THSD7A: variants seen among roughly 807,000 people sequenced by gnomAD.
THSD7A encodes thrombospondin type-1 domain-containing protein 7A.
A neutral mutation model predicts 231.3 loss-of-function variants in THSD7A; 96 were observed. That is an observed-to-expected ratio of 0.41 (90% confidence interval 0.35 to 0.49). The LOEUF is 0.49. Ranked by LOEUF, THSD7A falls within the 20% of genes least tolerant of loss-of-function variation. The pLI, the probability that THSD7A is intolerant of heterozygous loss-of-function variation, is 0.05. For missense variants in THSD7A, 2,290 were observed against 2,070.2 expected (o/e 1.11, Z -2.06); for synonymous variants, 940 against 743.3 (o/e 1.26, Z -4.30).
intron 4 of THSD7A, among the ~76,000 whole-genome samples, chr7:11,567,494 C>G (rs1790409176): frequency 6.6e-6 from 1 of 152,154 alleles, no homozygotes; most frequent in Non-Finnish European, 1.5e-5. Context: ...CATATCATTC[C>G]ACTTACTCCA....
chr7:11,633,162 G>T (rs1781715313), intron 2 of THSD7A, among the ~76,000 whole-genome samples: 2 of 151,510 alleles, frequency 1.3e-5, no homozygotes, highest in Non-Finnish European at 2.9e-5. Context: ...TTTCTGTTTT[G>T]GATTCAGAAA....
chr7:11,594,638 A>G (rs2128342359), intron 2 of THSD7A, among the ~76,000 whole-genome samples: 1 of 152,308 alleles, frequency 6.6e-6, no homozygotes, highest in East Asian at 1.9e-4. Flanking sequence ...AAGCTAGTCC[A>G]TTGCTCCTAA....
At chr7:11,428,032 A>G (rs1224047449) in intron 14 of THSD7A, among the ~76,000 whole-genome samples, 1 of 152,162 alleles carries the variant, frequency 6.6e-6, no homozygotes, top group Non-Finnish European at 1.5e-5. Context: ...TTTCTCTACA[A>G]TGTACTTTTA....
intron 7 of THSD7A, among the ~76,000 whole-genome samples, chr7:11,475,597 CATAT>C (rs61076481): frequency 0.13 from 19,358 of 147,530 alleles, 1,458 homozygotes; most frequent in Middle Eastern, 0.19. Flanking sequence ...ATGTATATAA[CATAT>C]ATATAACATA....
intron 4 of THSD7A, among the ~76,000 whole-genome samples, chr7:11,559,721 T>G (rs1240078264): frequency 6.6e-6 from 1 of 152,146 alleles, no homozygotes; most frequent in African/African-American, 2.4e-5. Flanking sequence ...AACGGTCACA[T>G]TATCAACTGA....
chr7:11,449,822 C>T (rs1431960294), intron 11 of THSD7A, among the ~76,000 whole-genome samples: 5 of 151,598 alleles, frequency 3.3e-5, no homozygotes, highest in Non-Finnish European at 7.4e-5. Flanking sequence ...CCCAAGGATG[C>T]TAAAAAAATT....
At chr7:11,457,916 C>A (rs999731732) in intron 11 of THSD7A, among the ~76,000 whole-genome samples, 1 of 152,064 alleles carries the variant, frequency 6.6e-6, no homozygotes, top group Non-Finnish European at 1.5e-5. Flanking sequence ...ATTGGCTTTG[C>A]AATTGATAAG....
chr7:11,690,396 T>A lies in THSD7A; in HGVS notation c.191-53435A>T, dbSNP rs375762970. 9.3e-4 allele frequency among the ~76,000 whole-genome samples: 142 copies of A among 151,882 alleles called. 3 individuals are homozygous for A. Among genetic ancestry groups the A allele is most frequent in the African/African-American group, 3.2e-3 (132 of 41,502 alleles). On this transcript the variant is annotated intron_variant, in intron 1 of 27. Coordinates refer to ENST00000423059, the MANE Select transcript of THSD7A (RefSeq NM_015204.3). Reference sequence around the variant, plus strand: ...CTCAATTTGACAAAGTCTGCTCAGTTATCTCTCTTTTTCTCAAGCTCTATT... The same window carrying A: ...CTCAATTTGACAAAGTCTGCTCAGTAATCTCTCTTTTTCTCAAGCTCTATT...
intron 1 of THSD7A, among the ~76,000 whole-genome samples, chr7:11,792,745 C>CA (rs1276561592): frequency 1.1e-4 from 16 of 151,974 alleles, no homozygotes; most frequent in African/African-American, 3.4e-4. Context: ...GTCCACTATA[C>CA]CATAGGCCAT....
intron 1 of THSD7A, among the ~76,000 whole-genome samples, chr7:11,750,087 G>A (rs1157972909): frequency 1.3e-5 from 2 of 150,290 alleles, no homozygotes; most frequent in African/African-American, 4.9e-5. Flanking sequence ...TCCCTTCCCA[G>A]TTCCTGGTAA....
At chr7:11,380,867 A>G (rs2115298417) in intron 24 of THSD7A, among the ~76,000 whole-genome samples, 1 of 152,324 alleles carries the variant, frequency 6.6e-6, no homozygotes, top group South Asian at 2.1e-4. Flanking sequence ...ACTTTGCTGA[A>G]TTGAAAAGAA....
At chr7:11,417,661 A>C in intron 16 of THSD7A, 58 bp from the exon 17 acceptor site, 6 of 1,537,062 alleles carry the variant, frequency 3.9e-6, no homozygotes, top group Non-Finnish European at 4.4e-6. Context: ...AAGTAAAGAA[A>C]ACAGGACAAT....
intron 14 of THSD7A, among the ~76,000 whole-genome samples, chr7:11,428,088 G>C (rs1469725539): frequency 2.6e-5 from 4 of 152,250 alleles, no homozygotes; most frequent in Middle Eastern, 3.4e-3. Flanking sequence ...TATGTATACA[G>C]GTAAGCAGTG....
chr7:11,622,049 G>T (rs1358850855), intron 2 of THSD7A, among the ~76,000 whole-genome samples: 2 of 152,134 alleles, frequency 1.3e-5, no homozygotes, highest in East Asian at 1.9e-4. Flanking sequence ...TTTCTGGCTA[G>T]TGTGAGTAGG....
chr7:11,444,991 A>G lies in THSD7A; in HGVS notation c.3064+1070T>C, dbSNP rs940479544. Among the ~76,000 whole-genome samples, 2 of 150,288 alleles carry G rather than the reference A, an allele frequency of 1.3e-5. No individual in the cohort carries two copies. Among genetic ancestry groups the G allele is most frequent in the Admixed American group, 6.7e-5 (1 of 15,010 alleles). Reference sequence around the variant, plus strand: ...TTAAATGAAACTTCTTTGTAGTGAGATGTTTAAGAGATTTCAATAAATATG... The same window carrying G: ...TTAAATGAAACTTCTTTGTAGTGAGGTGTTTAAGAGATTTCAATAAATATG... On this transcript the variant is annotated intron_variant, in intron 13 of 27. Transcript: ENST00000423059. This position sits in a 1 kb window ranked among gnomAD's most constrained non-coding sequence, Gnocchi z 4.2.
At position 11,474,301 on chromosome 7, in the gene THSD7A, C is replaced by T; in HGVS notation, c.2252+33G>A. On this transcript the variant is annotated intron_variant, in intron 8 of 27. Coordinates refer to ENST00000423059, the MANE Select transcript of THSD7A (RefSeq NM_015204.3). The surrounding 1 kb of genome is among the most constrained non-coding windows in gnomAD (Gnocchi z 4.1). ...AGCCAATCCTCTGCACAGGTGGCTA[C>T]ACGATTTACTGTTGTCATTCTAAAG... 1.9e-6 allele frequency: 3 copies of T among 1,564,604 alleles called. No homozygotes were observed. Among genetic ancestry groups the T allele is most frequent in the South Asian group, 1.2e-5 (1 of 84,068 alleles).
At chr7:11,417,653 G>A (rs1562593980) in intron 16 of THSD7A, 50 bp from the exon 17 acceptor site, 2 of 1,554,116 alleles carry the variant, frequency 1.3e-6, no homozygotes, top group African/African-American at 1.4e-5. Flanking sequence ...CATTCTAGAA[G>A]TAAAGAAAAC....
chr7:11,759,384 G>A (rs547510345), intron 1 of THSD7A, among the ~76,000 whole-genome samples: 1 of 152,152 alleles, frequency 6.6e-6, no homozygotes, highest in South Asian at 2.1e-4. Context: ...CAGCAGATGA[G>A]ATACAGGAGA....
At chr7:11,546,202 G>GTGCGCGCGCACACACACACACACA (rs1789383127) in intron 4 of THSD7A, among the ~76,000 whole-genome samples, 1 of 129,374 alleles carries the variant, frequency 7.7e-6, no homozygotes, top group Non-Finnish European at 1.7e-5. Context: ...GTGGGCGCGC[G>GTGCGCGCGCACACACACACACACA]CTCACACACA....
Sources: allele counts gnomAD v4.1 joint callset (sites outside exome capture counted in the v4.1 genomes callset), GRCh38; gene constraint gnomAD v4.1.1; non-coding constraint Gnocchi (gnomAD v3.1); transcripts MANE v1.5; gene names NCBI Gene and HGNC (gene_info 2026-07-23, HGNC 2026-07-21).